Variants in ARL6 observed in about 807,000 individuals in gnomAD.
ARL6 encodes ADP-ribosylation factor-like protein 6.
Under a neutral mutation model 27.1 loss-of-function variants are expected in ARL6, and 18 were observed. That is an observed-to-expected ratio of 0.66 (90% CI 0.46 to 0.98). The LOEUF (loss-of-function observed/expected upper bound fraction) is 0.98. Ranked by LOEUF, ARL6 falls within the 50% of genes least tolerant of loss-of-function variation. ARL6 has a pLI of 0.00. For missense variants in ARL6, 187 were observed against 214.9 expected (o/e 0.87, Z 0.81); for synonymous variants, 65 against 72.3 (o/e 0.90, Z 0.51).
intron 7 of ARL6, among the ~76,000 whole-genome samples, chr3:97,796,290 T>G (rs1559695782): frequency 1.3e-5 from 2 of 152,090 alleles, no homozygotes; most frequent in African/African-American, 4.8e-5. Context: ...AGAGAAGGTG[T>G]TACTTTCATG....
At chr3:97,774,960 TAG>T (rs1244037313) in intron 2 of ARL6, among the ~76,000 whole-genome samples, 1 of 152,196 alleles carries the variant, frequency 6.6e-6, no homozygotes, top group Non-Finnish European at 1.5e-5. Context: ...GTATTATGTA[TAG>T]AGTCACTAAA....
chr3:97,779,961 AG>A (rs1228441475), intron 2 of ARL6, among the ~76,000 whole-genome samples, 197 bp from the exon 3 acceptor site: 9 of 152,184 alleles, frequency 5.9e-5, no homozygotes, highest in Non-Finnish European at 1.3e-4. Flanking sequence ...AATATTATGC[AG>A]ATTCATAATT....
Position 97,799,776 on chromosome 3 carries a change from G to A in ARL6, c.*1727G>A, listed in dbSNP as rs1332166742. 1 of 152,120 alleles carries A rather than the reference G, an allele frequency of 6.6e-6. No homozygotes were observed. Among genetic ancestry groups the A allele is most frequent in the Non-Finnish European group, 1.5e-5 (1 of 67,980 alleles). The allele number at this position is 152,120 out of a possible 1,614,324, so 9.4% of individuals were successfully genotyped here. On this transcript the variant is annotated 3_prime_UTR_variant, in exon 8 of 8. Coordinates refer to ENST00000463745, the MANE Select transcript of ARL6 (RefSeq NM_001278293.3). The stretch of plus-strand genomic sequence containing the variant: ...GTAAACTGAGGCGTTAAAATGTTAT[G>A]TAATTTGCCAAAGTTCAAAAAGCTG...
At chr3:97,789,777 G>A (rs2037634660) in intron 6 of ARL6, among the ~76,000 whole-genome samples, 1 of 151,998 alleles carries the variant, frequency 6.6e-6, no homozygotes, top group Non-Finnish European at 1.5e-5. Context: ...GTATAAAATT[G>A]AAAATGTATT....
At chr3:97,792,327 A>G (rs2037780590) in intron 7 of ARL6, among the ~76,000 whole-genome samples, 1 of 152,178 alleles carries the variant, frequency 6.6e-6, no homozygotes, top group Admixed American at 6.5e-5. Context: ...TACTAAAAAT[A>G]GAAAAATTAG....
At chr3:97,783,429 A>T (rs932576850) in intron 4 of ARL6, among the ~76,000 whole-genome samples, 8 of 151,850 alleles carry the variant, frequency 5.3e-5, no homozygotes, top group Admixed American at 6.6e-5. Context: ...AAATTTCTTT[A>T]ACCATTTCTC....
chr3:97,790,051 TTGTGTGTGTGTGTGTGTGTG>T (rs3058067), intron 6 of ARL6, among the ~76,000 whole-genome samples: 1 of 137,072 alleles, frequency 7.3e-6, no homozygotes, highest in Admixed American at 7.4e-5. Flanking sequence ...GGCATCATGA[TTGTGTGTGTGTGTGTGTGTG>T]TGTGTGTGTG....
At chr3:97,788,452 G>T (rs1191271144) in intron 6 of ARL6, among the ~76,000 whole-genome samples, 1 of 152,016 alleles carries the variant, frequency 6.6e-6, no homozygotes, top group East Asian at 1.9e-4. Context: ...ATGTGCACTT[G>T]TATCCCCCTC....
chr3:97,775,459 GT>G (rs796446631), intron 2 of ARL6, among the ~76,000 whole-genome samples: 13 of 148,232 alleles, frequency 8.8e-5, no homozygotes, highest in African/African-American at 2.7e-4. Flanking sequence ...GCCTTTTCAG[GT>G]TTTTTTTTTG....
At chr3:97,770,754 A>C (rs1038953998) in intron 2 of ARL6, among the ~76,000 whole-genome samples, 4 of 152,082 alleles carry the variant, frequency 2.6e-5, no homozygotes, top group Non-Finnish European at 5.9e-5. Context: ...GTGTTTATCC[A>C]GTGTTCCAGC....
At chr3:97,779,133 C>T (rs1355487892) in intron 2 of ARL6, among the ~76,000 whole-genome samples, 4 of 152,172 alleles carry the variant, frequency 2.6e-5, no homozygotes, top group Non-Finnish European at 5.9e-5. Flanking sequence ...AATCTCTTCT[C>T]CACGCAGAAT....
chr3:97,768,304 GA>G, intron 2 of ARL6, 74 bp downstream of exon 2: 3 of 1,516,232 alleles, frequency 2.0e-6, no homozygotes, highest in Non-Finnish European at 2.7e-6. Context: ...TATGTTATAT[GA>G]CGTTAAAACC....
chr3:97,778,792 C>A (rs186217726), intron 2 of ARL6, among the ~76,000 whole-genome samples: 1 of 152,014 alleles, frequency 6.6e-6, no homozygotes, highest in African/African-American at 2.4e-5. Flanking sequence ...AATTAAGTAA[C>A]TTGTTCAAGG....
intron 5 of ARL6, among the ~76,000 whole-genome samples, chr3:97,787,188 G>C (rs2037499170): frequency 6.6e-6 from 1 of 152,084 alleles, no homozygotes; most frequent in Non-Finnish European, 1.5e-5. Context: ...ATAGTACATA[G>C]TACTAAAAGA....
chr3:97,764,693 A>C (rs754624462), upstream of ARL6: 1 of 152,034 alleles, frequency 6.6e-6, no homozygotes, highest in African/African-American at 2.4e-5. Context: ...AATCGCCAGG[A>C]CCCCCGGGGA....
At chr3:97,771,643 GTATAA>G (rs2036640945) in intron 2 of ARL6, among the ~76,000 whole-genome samples, 1 of 148,788 alleles carries the variant, frequency 6.7e-6, no homozygotes, top group South Asian at 2.1e-4. Context: ...AGCTCCACCA[GTATAA>G]TATTAGTATA....
At position 97,798,804 on chromosome 3, in the gene ARL6, A is replaced by G. The variant is rs1210037807; in HGVS notation, c.*755A>G. On this transcript the variant is annotated 3_prime_UTR_variant, in exon 8 of 8. Transcript: ENST00000463745. ...CTTTCCATGGATAGTATCTAATTTT[A>G]TTTCATTGGCTGAATGAAAATATTG... 1 of 152,050 alleles carries G rather than the reference A, an allele frequency of 6.6e-6. No homozygotes were observed. The highest frequency in any genetic ancestry group is 1.5e-5 in the Non-Finnish European group (1 of 67,930). The allele number at this position is 152,050 out of a possible 1,614,324, so 9.4% of individuals were successfully genotyped here.
chr3:97,766,392 A>G (rs1462029843), intron 1 of ARL6, among the ~76,000 whole-genome samples: 1 of 152,214 alleles, frequency 6.6e-6, no homozygotes, highest in Admixed American at 6.5e-5. Context: ...AATGGACTGA[A>G]TAAGATTTGA....
At chr3:97,781,152 T>C (rs1385966853) in intron 4 of ARL6, among the ~76,000 whole-genome samples, 1 of 152,206 alleles carries the variant, frequency 6.6e-6, no homozygotes, top group Admixed American at 6.5e-5. Flanking sequence ...TTATTATTCA[T>C]ATTATTTTTT....
Sources: allele counts gnomAD v4.1 joint callset (sites outside exome capture counted in the v4.1 genomes callset), GRCh38; gene constraint gnomAD v4.1.1; transcripts MANE v1.5; gene names NCBI Gene and HGNC (gene_info 2026-07-23, HGNC 2026-07-21).